The following R3HDM2 variants were observed in gnomAD, a reference collection of about 807,000 sequenced individuals.
R3HDM2 encodes R3H domain containing 2, also known as R3H domain-containing protein 2.
In R3HDM2, 38 loss-of-function variants were observed where a neutral mutation model predicts 124.5. That is an observed-to-expected ratio of 0.31 (90% confidence interval 0.24 to 0.40). The LOEUF (loss-of-function observed/expected upper bound fraction) is 0.40, where lower values mean the gene tolerates loss of function less well. Ranked by LOEUF, R3HDM2 falls within the 10% of genes least tolerant of loss-of-function variation. The pLI is 1.00. For missense variants in R3HDM2, 869 were observed against 1,236.9 expected (o/e 0.70, Z 4.46); for synonymous variants, 391 against 448.0 (o/e 0.87, Z 1.61).
chr12:57,278,907 A>C (rs1293173986), intron 14 of R3HDM2, among the ~76,000 whole-genome samples: 2 of 152,110 alleles, frequency 1.3e-5, no homozygotes, highest in Non-Finnish European at 2.9e-5. Flanking sequence ...TTTCTAGTTC[A>C]TGGGGTATTA....
At chr12:57,292,102 C>A (rs138302422) in intron 11 of R3HDM2, among the ~76,000 whole-genome samples, 11 of 152,292 alleles carry the variant, frequency 7.2e-5, no homozygotes, top group Admixed American at 7.2e-4. Context: ...GGATGCCAGA[C>A]CTGTGCTCTA....
chr12:57,373,826 A>G (rs2063672946), intron 2 of R3HDM2, among the ~76,000 whole-genome samples: 1 of 148,978 alleles, frequency 6.7e-6, no homozygotes, highest in African/African-American at 2.5e-5. Context: ...AAATAAATAA[A>G]TAAATAAATA....
intron 19 of R3HDM2, among the ~76,000 whole-genome samples, chr12:57,265,105 C>T (rs892613612): frequency 1.3e-5 from 2 of 152,076 alleles, no homozygotes; most frequent in Non-Finnish European, 2.9e-5. Flanking sequence ...AAAGAGGGCC[C>T]TTAGCTGTGT....
chr12:57,309,589 T>A (rs1325131754), intron 3 of R3HDM2, among the ~76,000 whole-genome samples: 1 of 152,248 alleles, frequency 6.6e-6, no homozygotes, highest in East Asian at 1.9e-4. Flanking sequence ...CTGACTGCTT[T>A]AACACAACCA....
chr12:57,401,011 A>G (rs1327880086), intron 1 of R3HDM2, among the ~76,000 whole-genome samples: 1 of 152,142 alleles, frequency 6.6e-6, no homozygotes, highest in Non-Finnish European at 1.5e-5. Context: ...GAACTTCAAA[A>G]AGAAAGACAA....
intron 2 of R3HDM2, among the ~76,000 whole-genome samples, chr12:57,323,023 TTC>T (rs2056706643): frequency 6.6e-6 from 1 of 152,178 alleles, no homozygotes; most frequent in African/African-American, 2.4e-5. Flanking sequence ...TTACTCAATA[TTC>T]TCAAGGTATA....
chr12:57,356,993 C>T (rs933711600), intron 2 of R3HDM2, among the ~76,000 whole-genome samples: 1 of 152,010 alleles, frequency 6.6e-6, no homozygotes, highest in Non-Finnish European at 1.5e-5. Context: ...GTACCAGCTA[C>T]TCGGGAGGCT....
intron 2 of R3HDM2, among the ~76,000 whole-genome samples, chr12:57,355,786 C>T (rs1174156492): frequency 6.6e-6 from 1 of 152,090 alleles, no homozygotes; most frequent in Non-Finnish European, 1.5e-5. Flanking sequence ...TGTTTTGATC[C>T]ATAAGCAATG....
In R3HDM2 at chr12:57,430,854, C is replaced by T. The variant is rs1869732930; in HGVS notation, c.-240G>A. ...GGCGGGCTTTTCTCGGCCGGGGCTTCCCCGGGGCCGAGGGCTGGGAAGCAG... is the reference window on the plus strand; with the variant it reads ...GGCGGGCTTTTCTCGGCCGGGGCTTTCCCGGGGCCGAGGGCTGGGAAGCAG... On this transcript the variant is annotated 5_prime_UTR_variant, in exon 1 of 24. Coordinates refer to ENST00000402412, the MANE Select transcript of R3HDM2 (RefSeq NM_001394031.1). 1 of 148,122 alleles carries T rather than the reference C, an allele frequency of 6.8e-6. No individual in the cohort carries two copies. Among genetic ancestry groups the T allele is most frequent in the Non-Finnish European group, 1.5e-5 (1 of 66,300 alleles). 9.2% of individuals were successfully genotyped at this position (148,122 alleles called of 1,614,324 possible).
chr12:57,310,518 A>C, intron 2 of R3HDM2, 55 bp from the exon 3 acceptor site: 1 of 964,632 alleles, frequency 1.0e-6, no homozygotes, highest in Non-Finnish European at 1.4e-6. Flanking sequence ...CTTAACAAAT[A>C]CACAAGACTC....
In R3HDM2 at chr12:57,266,772, G is replaced by A; in HGVS notation, c.2090C>T (p.Pro697Leu). Residue 697 changes from proline (P) to leucine (L), a missense_variant, in exon 19 of 24, where the codon CCC becomes CTC. Pro to Leu is a moderately conservative substitution (Grantham distance 98, BLOSUM62 -3). Transcript: ENST00000402412. ...GSEQYQMPQS[P>L]SPCSPPQMPQ... ...CATCTGTGGTGGACTGCAGGGAGAGGGAGACTGAGGCATCTGGTACTGCTC... is the reference window on the plus strand; with the variant it reads ...CATCTGTGGTGGACTGCAGGGAGAGAGAGACTGAGGCATCTGGTACTGCTC... The A allele has an allele frequency of 6.2e-7, 1 of 1,610,532 alleles. No homozygotes were observed.
At chr12:57,320,126 G>C (rs530771634) in intron 2 of R3HDM2, among the ~76,000 whole-genome samples, 2 of 151,462 alleles carry the variant, frequency 1.3e-5, no homozygotes, top group East Asian at 3.9e-4. Flanking sequence ...TGGGGGTGGT[G>C]GTGCGTGCCT....
At chr12:57,395,288 T>C (rs928648489) in intron 2 of R3HDM2, among the ~76,000 whole-genome samples, 1 of 151,256 alleles carries the variant, frequency 6.6e-6, no homozygotes, top group African/African-American at 2.4e-5. Context: ...CCAGGTCACC[T>C]AAGGTCGGGA....
At chr12:57,316,300 A>G (rs1302905993) in intron 2 of R3HDM2, among the ~76,000 whole-genome samples, 1 of 152,198 alleles carries the variant, frequency 6.6e-6, no homozygotes, top group Non-Finnish European at 1.5e-5. Context: ...AGGGAAGGAG[A>G]CCTTATCCCC....
At chr12:57,354,046 G>T (rs1485364874) in intron 2 of R3HDM2, among the ~76,000 whole-genome samples, 1 of 151,962 alleles carries the variant, frequency 6.6e-6, no homozygotes, top group Non-Finnish European at 1.5e-5. Flanking sequence ...TAGAGACAGG[G>T]TTTCACCATG....
At chr12:57,422,093 CAAAAAAA>C (rs35439340) in intron 1 of R3HDM2, among the ~76,000 whole-genome samples, 24,104 of 74,336 alleles carry the variant, frequency 0.32, 2,449 homozygotes, top group Admixed American at 0.42. Context: ...CTCCGCCTAG[CAAAAAAA>C]AAAAAAAAAA....
At chr12:57,260,211 C>T (rs1592347203) in intron 19 of R3HDM2, among the ~76,000 whole-genome samples, 1 of 135,762 alleles carries the variant, frequency 7.4e-6, no homozygotes, top group East Asian at 2.2e-4. Context: ...CTGCAGTGAG[C>T]CGTGATTATG....
chr12:57,263,523 C>A (rs1005717876), intron 19 of R3HDM2, among the ~76,000 whole-genome samples: 1 of 152,088 alleles, frequency 6.6e-6, no homozygotes, highest in Non-Finnish European at 1.5e-5. Flanking sequence ...GGCTGGAGTG[C>A]AGTGGCGCAA....
intron 12 of R3HDM2, among the ~76,000 whole-genome samples, chr12:57,286,220 T>C (rs957428894): frequency 1.3e-5 from 2 of 152,164 alleles, no homozygotes; most frequent in Admixed American, 1.3e-4. Context: ...GATTTAGTGC[T>C]GGTGAAAAGT....
Sources: allele counts gnomAD v4.1 joint callset (sites outside exome capture counted in the v4.1 genomes callset), GRCh38; gene constraint gnomAD v4.1.1; transcripts MANE v1.5; gene names NCBI Gene and HGNC (gene_info 2026-07-23, HGNC 2026-07-21).